Variants in SPAG17 observed in about 807,000 individuals in gnomAD.
SPAG17 encodes sperm-associated antigen 17.
Under a neutral mutation model 273.6 loss-of-function variants are expected in SPAG17, and 169 were observed. The ratio of observed to expected loss-of-function variants is 0.62; its 90% CI spans 0.55 to 0.70. The LOEUF is 0.70. SPAG17 is among the 30% of genes least tolerant of loss of function. The pLI is 0.00. For missense variants in SPAG17, 2,557 were observed against 2,627.8 expected, an observed-to-expected ratio of 0.97 and a Z score of 0.59; for synonymous variants, 825 against 873.2, an observed-to-expected ratio of 0.94 and a Z score of 0.97.
chr1:118,006,770 C>A (rs1030124332), intron 31 of SPAG17, among the ~76,000 whole-genome samples: 1 of 152,146 alleles, frequency 6.6e-6, no homozygotes, highest in African/African-American at 2.4e-5. Context: ...CCTTTGCTAA[C>A]ACTTGTGATT....
intron 25 of SPAG17, among the ~76,000 whole-genome samples, chr1:118,028,776 C>T (rs1648078160): frequency 6.6e-6 from 1 of 152,120 alleles, no homozygotes. Flanking sequence ...CCCATCCAAA[C>T]TCGTATGTTG....
chr1:118,118,238 A>G (rs1657205726), intron 3 of SPAG17, among the ~76,000 whole-genome samples: 1 of 152,232 alleles, frequency 6.6e-6, no homozygotes, highest in Non-Finnish European at 1.5e-5. Flanking sequence ...TAATTAAAAG[A>G]ATAAATCTCC....
At chr1:118,041,693 C>T (rs535084673) in intron 21 of SPAG17, 110 bp downstream of exon 21, 1 of 1,404,344 alleles carries the variant, frequency 7.1e-7, no homozygotes, top group Admixed American at 2.3e-5. Flanking sequence ...AGAAGAAACC[C>T]TAGGCCTACT....
chr1:118,090,696 C>A (rs191493494), intron 10 of SPAG17, among the ~76,000 whole-genome samples: 12 of 151,978 alleles, frequency 7.9e-5, no homozygotes, highest in African/African-American at 2.7e-4. Context: ...CCATACTGGG[C>A]AACATAGCAA....
rs181162259 is a variant in SPAG17 at position 117,956,954 on chromosome 1, A to T, written c.*1-2905T>A. The T allele has an allele frequency of 5.8e-4, 514 of 879,856 alleles. No homozygotes were observed. In the African/African-American group the frequency reaches 7.8e-3, roughly 13 times the overall value. 54.5% of individuals were successfully genotyped at this position (879,856 alleles called of 1,614,324 possible). A position where few individuals can be genotyped will look rare whatever the true frequency, so the allele number is the denominator to read the frequency against. On this transcript the variant is annotated intron_variant, in intron 48 of 48. Transcript: ENST00000336338. Reference sequence around the variant, plus strand: ...AGATGAATATTTAACTCTAGGCAAGATGTATCCAAGTATAAAATCAGTAGA... The same window carrying T: ...AGATGAATATTTAACTCTAGGCAAGTTGTATCCAAGTATAAAATCAGTAGA...
chr1:118,093,878 T>A (rs1640171196), intron 7 of SPAG17, among the ~76,000 whole-genome samples: 1 of 152,210 alleles, frequency 6.6e-6, no homozygotes, highest in Admixed American at 6.5e-5. Context: ...CACTAAGAAA[T>A]CCTAATAGAC....
At chr1:118,141,369 T>C (rs952394258) in intron 3 of SPAG17, among the ~76,000 whole-genome samples, 7 of 152,230 alleles carry the variant, frequency 4.6e-5, no homozygotes, top group Non-Finnish European at 8.8e-5. Context: ...TCATTTTCTC[T>C]AAGCTGACTG....
chr1:118,183,281 T>C (rs1056832693), intron 1 of SPAG17, among the ~76,000 whole-genome samples: 9 of 152,156 alleles, frequency 5.9e-5, no homozygotes, highest in African/African-American at 2.2e-4. Context: ...TAGAGCACAC[T>C]ACGTGTGCTC....
chr1:118,152,867 C>T (rs571730250), intron 1 of SPAG17, among the ~76,000 whole-genome samples: 1 of 152,292 alleles, frequency 6.6e-6, no homozygotes, highest in Admixed American at 6.5e-5. Context: ...TCAGTCAAAG[C>T]TGCAACTGTA....
At chr1:118,103,263 G>A (rs528877306) in intron 4 of SPAG17, among the ~76,000 whole-genome samples, 12 of 152,292 alleles carry the variant, frequency 7.9e-5, no homozygotes, top group African/African-American at 2.9e-4. Flanking sequence ...CCAAAGTCAA[G>A]CTTGCCAGGC....
At chr1:117,973,632 T>C in intron 43 of SPAG17, 71 bp from the exon 44 acceptor site, 1 of 1,477,896 alleles carries the variant, frequency 6.8e-7, no homozygotes, top group Non-Finnish European at 9.1e-7. Context: ...AATATCAGAA[T>C]GTATGACAAC....
intron 43 of SPAG17, among the ~76,000 whole-genome samples, chr1:117,979,160 C>T (rs1405555483): frequency 6.6e-6 from 1 of 152,144 alleles, no homozygotes; most frequent in Non-Finnish European, 1.5e-5. Flanking sequence ...TGAGCCACCG[C>T]GCCTGGCCTA....
At chr1:118,154,998 G>A (rs1659576619) in intron 1 of SPAG17, among the ~76,000 whole-genome samples, 1 of 152,084 alleles carries the variant, frequency 6.6e-6, no homozygotes, top group Non-Finnish European at 1.5e-5. Flanking sequence ...CACACCGAAA[G>A]CACCTTAGGA....
chr1:117,959,593 G>T, intron 48 of SPAG17: 1 of 840,548 alleles, frequency 1.2e-6, no homozygotes, highest in Non-Finnish European at 1.7e-6. Context: ...TTCCAGCTTT[G>T]CCTGAGGGAA....
At chr1:118,147,265 A>G (rs1659059579) in intron 3 of SPAG17, among the ~76,000 whole-genome samples, 1 of 152,126 alleles carries the variant, frequency 6.6e-6, no homozygotes, top group Non-Finnish European at 1.5e-5. Flanking sequence ...TGCTTTAACG[A>G]GTATGTTTGT....
At chr1:118,148,531 G>A (rs149834200) in intron 3 of SPAG17, among the ~76,000 whole-genome samples, 2 of 146,452 alleles carry the variant, frequency 1.4e-5, no homozygotes, top group African/African-American at 5.0e-5. Context: ...ATTTTACAGA[G>A]TGCTGATTGG....
intron 3 of SPAG17, among the ~76,000 whole-genome samples, chr1:118,131,451 C>T (rs1658047991): frequency 6.6e-6 from 1 of 152,184 alleles, no homozygotes; most frequent in South Asian, 2.1e-4. Context: ...CTCCCTTTTG[C>T]TCTGTAGTTC....
intron 1 of SPAG17, among the ~76,000 whole-genome samples, chr1:118,156,232 T>C (rs1249449739): frequency 6.6e-6 from 1 of 152,240 alleles, no homozygotes; most frequent in Non-Finnish European, 1.5e-5. Context: ...TCATCTAGAC[T>C]GTAAACTCAT....
At chr1:118,157,033 A>C (rs1437560373) in intron 1 of SPAG17, among the ~76,000 whole-genome samples, 1 of 152,136 alleles carries the variant, frequency 6.6e-6, no homozygotes, top group Admixed American at 6.5e-5. Flanking sequence ...CCGATTGCTC[A>C]TGGCTCTTCC....
Sources: allele counts gnomAD v4.1 joint callset (sites outside exome capture counted in the v4.1 genomes callset), GRCh38; gene constraint gnomAD v4.1.1; transcripts MANE v1.5; gene names NCBI Gene and HGNC (gene_info 2026-07-23, HGNC 2026-07-21).